The following LRRFIP1 variants were observed in gnomAD, a reference collection of about 807,000 sequenced individuals.
LRRFIP1 encodes LRR binding FLII interacting protein 1, also known as leucine-rich repeat flightless-interacting protein 1.
Under a neutral mutation model 104.4 loss-of-function variants are expected in LRRFIP1, and 62 were observed. The observed-to-expected ratio is 0.59, with a 90% CI of 0.48 to 0.73. LRRFIP1 has a LOEUF of 0.73. Ranked by LOEUF, LRRFIP1 falls within the 30% of genes least tolerant of loss-of-function variation. LRRFIP1 has a pLI of 0.00. For missense variants in LRRFIP1, 796 were observed against 824.5 expected (o/e 0.97, Z 0.42); for synonymous variants, 300 against 299.0 (o/e 1.00, Z -0.03).
rs2093927310 is a variant in LRRFIP1 at position 237,708,605 on chromosome 2, A to G, written c.158A>G (p.Lys53Arg). The G allele has an allele frequency of 6.2e-7, 1 of 1,601,368 alleles. No homozygotes were observed. Residue 53 changes from lysine (K) to arginine (R), a missense_variant, in exon 2 of 24, where the codon AAG becomes AGG. Lys to Arg is a conservative substitution (Grantham distance 26). Coordinates refer to ENST00000308482, the MANE Select transcript of LRRFIP1 (RefSeq NM_001137550.2). ...ARAEAREIRM[K>R]ELERQQKEIY... ...GCGGAGGCTCGCGAGATCCGCATGA[A>G]GGAGCTGGAGCGGCAGCAGAAGGAG...
rs191682582 is a variant in LRRFIP1 at position 237,762,993 on chromosome 2, C to A, written c.1459+2788C>A. 11 of 1,614,194 alleles carry A rather than the reference C, an allele frequency of 6.8e-6. No homozygotes were observed. The East Asian group carries it at 2.5e-4, about 36-fold the overall frequency. Reference sequence around the variant, plus strand: ...CACACAGAGAATGTGGGAGAGGCAGCAGTGACTCAGGTTGAAGAGCAGGCA... The same window carrying A: ...CACACAGAGAATGTGGGAGAGGCAGAAGTGACTCAGGTTGAAGAGCAGGCA... On this transcript the variant is annotated intron_variant, in intron 19 of 23. Transcript: ENST00000308482.
chr2:237,737,803 A>G (rs892327310), intron 10 of LRRFIP1, among the ~76,000 whole-genome samples: 9 of 152,220 alleles, frequency 5.9e-5, no homozygotes, highest in South Asian at 2.1e-4. Context: ...GATGCTTTAC[A>G]TGTGCTGTGT....
At position 237,639,961 on chromosome 2, in the gene LRRFIP1, C is replaced by A. The variant is rs144518061; in HGVS notation, c.96+12221C>A. Among the ~76,000 whole-genome samples, 823 of 152,258 alleles carry A rather than the reference C, an allele frequency of 5.4e-3. 5 individuals are homozygous for A. Among genetic ancestry groups the A allele is most frequent in the African/African-American group, 0.019 (790 of 41,526 alleles). ...CAAATGGCCCATGGGGAACAAGATACCCAACTGAGGATCTCTGTGTCAGGT... is the reference window on the plus strand; with the variant it reads ...CAAATGGCCCATGGGGAACAAGATAACCAACTGAGGATCTCTGTGTCAGGT... On this transcript the variant is annotated intron_variant, in intron 1 of 23. Coordinates refer to ENST00000308482, the MANE Select transcript of LRRFIP1 (RefSeq NM_001137550.2).
chr2:237,745,380 G>A (rs548476480), intron 11 of LRRFIP1, among the ~76,000 whole-genome samples: 1 of 152,242 alleles, frequency 6.6e-6, no homozygotes, highest in South Asian at 2.1e-4. Flanking sequence ...TTAATTTTTA[G>A]TTTTTCTCTG....
intron 1 of LRRFIP1, among the ~76,000 whole-genome samples, chr2:237,632,673 G>A (rs2082550276): frequency 6.6e-6 from 1 of 152,190 alleles, no homozygotes; most frequent in Admixed American, 6.5e-5. Flanking sequence ...CCAAGCTGGG[G>A]ATGGGGTGCA....
chr2:237,752,235 G>C (rs761216508), intron 14 of LRRFIP1, among the ~76,000 whole-genome samples: 1 of 152,070 alleles, frequency 6.6e-6, no homozygotes, highest in Non-Finnish European at 1.5e-5. Flanking sequence ...GTGAGACCCC[G>C]TCTCTACTAA....
rs771074446 is a variant in LRRFIP1, at chr2:237,652,949, T to G, written c.96+25209T>G. Among the ~76,000 whole-genome samples the G allele has an allele frequency of 2.0e-5, 3 of 152,196 alleles. No homozygotes were observed. The East Asian group carries it at 5.8e-4, about 29-fold the overall frequency. On this transcript the variant is annotated intron_variant, in intron 1 of 23. Transcript: ENST00000308482. ...GGTAATTGGATCATGGGGGCAGATTTCTCCCTTTCTGTTCTTGTGATAGTG... is the reference window on the plus strand; with the variant it reads ...GGTAATTGGATCATGGGGGCAGATTGCTCCCTTTCTGTTCTTGTGATAGTG...
At chr2:237,688,152 G>T (rs890178289) in intron 1 of LRRFIP1, among the ~76,000 whole-genome samples, 6 of 152,174 alleles carry the variant, frequency 3.9e-5, no homozygotes, top group Non-Finnish European at 5.9e-5. Context: ...TATATCACAG[G>T]CCTGGCAACT....
At chr2:237,719,670 TATC>T (rs2094469235) in intron 5 of LRRFIP1, 103 bp downstream of exon 5, 3 of 700,582 alleles carry the variant, frequency 4.3e-6, no homozygotes, top group Admixed American at 2.8e-5. Context: ...TTAATGATGA[TATC>T]ATCTCTTAAA....
chr2:237,634,487 C>A (rs909415049), intron 1 of LRRFIP1, among the ~76,000 whole-genome samples: 2 of 152,206 alleles, frequency 1.3e-5, no homozygotes, highest in Admixed American at 6.5e-5. Context: ...TGACTTAGGG[C>A]AAGTTACTTA....
rs2059416079 is a variant in LRRFIP1 at position 237,757,731 on chromosome 2, G to A, written c.1224+183G>A. Among the ~76,000 whole-genome samples, 3 of 152,076 alleles carry A rather than the reference G, an allele frequency of 2.0e-5. No homozygotes were observed. In the South Asian group the frequency reaches 6.2e-4, roughly 32 times the overall value. ...GTGAATACACTAACTTATCCAAATTGATATGAACTTGGATTGTGACACGGA... is the reference window on the plus strand; with the variant it reads ...GTGAATACACTAACTTATCCAAATTAATATGAACTTGGATTGTGACACGGA... On this transcript the variant is annotated intron_variant, in intron 17 of 23. Transcript: ENST00000308482.
chr2:237,631,398 T>C (rs1452856697), intron 1 of LRRFIP1, among the ~76,000 whole-genome samples: 1 of 152,202 alleles, frequency 6.6e-6, no homozygotes, highest in Admixed American at 6.5e-5. Context: ...CTGCAGCCGG[T>C]GTCCTGCTTC....
intron 17 of LRRFIP1, among the ~76,000 whole-genome samples, chr2:237,758,021 GC>G (rs1276424537): frequency 2.0e-5 from 3 of 151,908 alleles, no homozygotes; most frequent in Non-Finnish European, 4.4e-5. Flanking sequence ...AAGAAAAGAG[GC>G]AGTTCTACAC....
intron 1 of LRRFIP1, among the ~76,000 whole-genome samples, chr2:237,704,245 C>G (rs975407975): frequency 5.9e-5 from 9 of 152,002 alleles, no homozygotes; most frequent in Middle Eastern, 3.4e-3. Context: ...CTCCACCTCC[C>G]AGGTTCACGT....
intron 11 of LRRFIP1, among the ~76,000 whole-genome samples, chr2:237,744,908 G>A (rs188919271): frequency 8.7e-4 from 132 of 152,366 alleles, no homozygotes; most frequent in African/African-American, 2.5e-3. Flanking sequence ...AGCCTGGACC[G>A]TCTGCAGCCA....
At chr2:237,641,287 G>A (rs908517239) in intron 1 of LRRFIP1, among the ~76,000 whole-genome samples, 4 of 151,184 alleles carry the variant, frequency 2.6e-5, no homozygotes, top group African/African-American at 9.7e-5. Context: ...CAAGGCAACC[G>A]AGTCACCTGA....
chr2:237,770,894 A>AGCC (rs1341713529), intron 20 of LRRFIP1: 1 of 152,208 alleles, frequency 6.6e-6, no homozygotes, highest in Non-Finnish European at 1.5e-5. Context: ...TCTCCTCATA[A>AGCC]GCCTAATCAA....
At chr2:237,679,118 A>C (rs763442715) in intron 1 of LRRFIP1, among the ~76,000 whole-genome samples, 2 of 152,226 alleles carry the variant, frequency 1.3e-5, no homozygotes, top group African/African-American at 2.4e-5. Flanking sequence ...TCACTGACTT[A>C]AGTATTATTC....
intron 1 of LRRFIP1, among the ~76,000 whole-genome samples, chr2:237,688,137 A>G (rs2092512296): frequency 1.3e-5 from 2 of 152,254 alleles, no homozygotes; most frequent in South Asian, 2.1e-4. Flanking sequence ...AGAGGAAGAC[A>G]AAGTTATATC....
Sources: gnomAD v4.1 joint callset for allele counts (sites outside exome capture counted in the v4.1 genomes callset) on GRCh38, gnomAD v4.1.1 for gene constraint, MANE v1.5 for transcripts, NCBI Gene and HGNC (gene_info 2026-07-23, HGNC 2026-07-21) for gene names.